The following FAM78B variants were observed in gnomAD, a reference collection of about 807,000 sequenced individuals.
The protein encoded by FAM78B is protein FAM78B.
In FAM78B, 10 loss-of-function variants were observed where a neutral mutation model predicts 20.0. The ratio of observed to expected loss-of-function variants is 0.50; its 90% CI spans 0.31 to 0.85. The LOEUF is 0.85. Ranked by LOEUF, FAM78B falls within the 40% of genes least tolerant of loss-of-function variation. FAM78B has a pLI of 0.05. For synonymous variants in FAM78B, 135 were observed against 132.8 expected, an observed-to-expected ratio of 1.02 and a Z score of -0.12; for missense variants, 283 against 345.0, an observed-to-expected ratio of 0.82 and a Z score of 1.42.
chr1:166,124,293 G>A (rs943904351), intron 1 of FAM78B, among the ~76,000 whole-genome samples: 5 of 152,162 alleles, frequency 3.3e-5, no homozygotes, highest in African/African-American at 1.2e-4. Context: ...TCTTAGACTA[G>A]ATTGCTTCTT....
downstream of FAM78B, chr1:166,057,309 G>A (rs7515759): frequency 0.21 from 32,533 of 152,138 alleles, 3,706 homozygotes; most frequent in Non-Finnish European, 0.25. Context: ...TAGCTGGGCA[G>A]GATTCCTGCA....
chr1:166,113,735 G>A (rs1318866170), intron 1 of FAM78B, among the ~76,000 whole-genome samples: 3 of 152,188 alleles, frequency 2.0e-5, no homozygotes, highest in Admixed American at 6.5e-5. Flanking sequence ...AAGCAGCCCT[G>A]GGCAGCAATG....
At chr1:166,076,377 C>T (rs1413828673) in intron 1 of FAM78B, among the ~76,000 whole-genome samples, 1 of 152,160 alleles carries the variant, frequency 6.6e-6, no homozygotes, top group Non-Finnish European at 1.5e-5. Flanking sequence ...TTTGCACTTA[C>T]CGTTCATTTT....
At chr1:166,117,816 A>G (rs1479390340) in intron 1 of FAM78B, among the ~76,000 whole-genome samples, 1 of 152,220 alleles carries the variant, frequency 6.6e-6, no homozygotes, top group Non-Finnish European at 1.5e-5. Flanking sequence ...TGGGAAGAGC[A>G]CAGAGGTTGA....
intron 1 of FAM78B, among the ~76,000 whole-genome samples, chr1:166,119,168 A>G (rs10918369): frequency 0.61 from 92,080 of 152,026 alleles, 29,522 homozygotes; most frequent in Non-Finnish European, 0.73. Flanking sequence ...CAGCATTAGC[A>G]TTCACCTTCT....
At chr1:166,091,959 C>T (rs541520470) in intron 1 of FAM78B, among the ~76,000 whole-genome samples, 23 of 152,160 alleles carry the variant, frequency 1.5e-4, no homozygotes, top group African/African-American at 5.3e-4. Flanking sequence ...ACCACACTAC[C>T]CCTGCTTCTC....
intron 1 of FAM78B, among the ~76,000 whole-genome samples, chr1:166,101,931 A>C (rs193110246): frequency 0.011 from 1,663 of 152,280 alleles, 30 homozygotes; most frequent in African/African-American, 0.037. Context: ...GTTGAAATGA[A>C]GGAAAAAATG....
At chr1:166,108,939 T>TGA (rs1435094476) in intron 1 of FAM78B, among the ~76,000 whole-genome samples, 1 of 152,178 alleles carries the variant, frequency 6.6e-6, no homozygotes, top group African/African-American at 2.4e-5. Context: ...CAAATGGTGC[T>TGA]GAGATAATTG....
At chr1:166,130,983 T>C (rs1183933653) in intron 1 of FAM78B, among the ~76,000 whole-genome samples, 1 of 139,668 alleles carries the variant, frequency 7.2e-6, no homozygotes, top group African/African-American at 2.8e-5. Context: ...CCCAGGTGCT[T>C]TTTTTTTTTT....
At chr1:166,143,041 T>C (rs1204146421) in intron 1 of FAM78B, among the ~76,000 whole-genome samples, 1 of 152,168 alleles carries the variant, frequency 6.6e-6, no homozygotes, top group Non-Finnish European at 1.5e-5. Flanking sequence ...TCTCAGCTCT[T>C]AGGAGCTGTG....
intron 1 of FAM78B, among the ~76,000 whole-genome samples, chr1:166,099,714 A>G (rs1653433590): frequency 6.6e-6 from 1 of 152,190 alleles, no homozygotes; most frequent in Admixed American, 6.5e-5. Context: ...CCTCGTCCAA[A>G]AGGAAAATAT....
Position 166,128,853 on chromosome 1 carries a change from T to A in FAM78B, c.263+37133A>T, listed in dbSNP as rs542997713. Among the ~76,000 whole-genome samples the A allele has an allele frequency of 2.0e-5, 3 of 152,294 alleles. No homozygotes were observed. The South Asian group carries it at 6.2e-4, about 32-fold the overall frequency. ...ATATGTATGCAGGGTAGAAGATAGATGAGTGTCCTGGGAGCCATTACTTTG... is the reference window on the plus strand; with the variant it reads ...ATATGTATGCAGGGTAGAAGATAGAAGAGTGTCCTGGGAGCCATTACTTTG... On this transcript the variant is annotated intron_variant, in intron 1 of 1. Coordinates refer to ENST00000354422, the MANE Select transcript of FAM78B (RefSeq NM_001017961.5).
At chr1:166,157,718 T>C (rs1655964383) in intron 1 of FAM78B, among the ~76,000 whole-genome samples, 1 of 152,110 alleles carries the variant, frequency 6.6e-6, no homozygotes, top group South Asian at 2.1e-4. Flanking sequence ...CCCGGAGAGT[T>C]TGAGGGATGA....
At chr1:166,071,703 G>A (rs1327927611) in intron 1 of FAM78B, among the ~76,000 whole-genome samples, 4 of 152,224 alleles carry the variant, frequency 2.6e-5, no homozygotes, top group African/African-American at 9.7e-5. Flanking sequence ...CACACAAGGG[G>A]ATGAAGGCTT....
chr1:166,147,323 A>G (rs745783890), intron 1 of FAM78B, among the ~76,000 whole-genome samples: 5 of 152,232 alleles, frequency 3.3e-5, no homozygotes, highest in Admixed American at 6.5e-5. Context: ...TGCCAGGATG[A>G]TAACGCCTAA....
At chr1:166,086,616 T>C (rs777964711) in intron 1 of FAM78B, among the ~76,000 whole-genome samples, 1 of 152,206 alleles carries the variant, frequency 6.6e-6, no homozygotes, top group African/African-American at 2.4e-5. Context: ...CTTTCCACTT[T>C]GTGTTCTTTG....
intron 1 of FAM78B, among the ~76,000 whole-genome samples, chr1:166,112,251 T>C (rs1365603136): frequency 6.6e-6 from 1 of 152,208 alleles, no homozygotes. Context: ...GTCCTTGGAT[T>C]GACAGACACA....
At chr1:166,165,744 T>C (rs796344078) in intron 1 of FAM78B, among the ~76,000 whole-genome samples, 1 of 152,002 alleles carries the variant, frequency 6.6e-6, no homozygotes, top group Non-Finnish European at 1.5e-5. Context: ...CGCACCTTTC[T>C]CCTCGCGTTT....
intron 1 of FAM78B, among the ~76,000 whole-genome samples, chr1:166,076,200 T>C (rs1652268901): frequency 6.6e-6 from 1 of 152,172 alleles, no homozygotes; most frequent in South Asian, 2.1e-4. Flanking sequence ...TTTCCATGCC[T>C]CCTAAAGCAC....
Sources: gnomAD v4.1 joint callset for allele counts (sites outside exome capture counted in the v4.1 genomes callset) on GRCh38, gnomAD v4.1.1 for gene constraint, MANE v1.5 for transcripts, NCBI Gene and HGNC (gene_info 2026-07-23, HGNC 2026-07-21) for gene names.